The following TMEM178B variants were observed in gnomAD, a reference collection of about 807,000 sequenced individuals.
TMEM178B encodes the protein transmembrane protein 178B.
Under a neutral mutation model 31.0 loss-of-function variants are expected in TMEM178B, and 5 were observed. That is an observed-to-expected ratio of 0.16 (90% confidence interval 0.08 to 0.34). The LOEUF is 0.34. Among genes scored for constraint, TMEM178B ranks in the 10% least tolerant of loss-of-function variants. The pLI, the probability that TMEM178B is intolerant of heterozygous loss-of-function variation, is 1.00. For synonymous variants in TMEM178B, 164 were observed against 164.0 expected, an observed-to-expected ratio of 1.00 and a Z score of 0.00; for missense variants, 275 against 400.3, an observed-to-expected ratio of 0.69 and a Z score of 2.67.
intron 1 of TMEM178B, among the ~76,000 whole-genome samples, chr7:141,134,254 A>G (rs1795639052): frequency 6.6e-6 from 1 of 152,142 alleles, no homozygotes; most frequent in Non-Finnish European, 1.5e-5. Context: ...AAAACAAAAT[A>G]AAACAACAAC....
intron 2 of TMEM178B, among the ~76,000 whole-genome samples, chr7:141,230,441 T>C (rs1797422956): frequency 6.6e-6 from 1 of 152,350 alleles, no homozygotes; most frequent in Middle Eastern, 3.4e-3. Flanking sequence ...AAGAAATGGT[T>C]ATCAGCCACT....
At chr7:141,187,621 C>A (rs1032041150) in intron 1 of TMEM178B, among the ~76,000 whole-genome samples, 39 of 152,282 alleles carry the variant, frequency 2.6e-4, no homozygotes, top group Middle Eastern at 3.4e-3. Context: ...CTAACTTTTT[C>A]ATGATCGCCA....
At chr7:141,126,101 A>G (rs980205781) in intron 1 of TMEM178B, among the ~76,000 whole-genome samples, 17 of 152,180 alleles carry the variant, frequency 1.1e-4, no homozygotes, top group African/African-American at 4.1e-4. Context: ...TGAGTGATCA[A>G]ATAGTTGGTT....
At chr7:141,348,936 TGGGTAAC>T (rs1799664159) in intron 2 of TMEM178B, among the ~76,000 whole-genome samples, 3 of 152,156 alleles carry the variant, frequency 2.0e-5, no homozygotes, top group Non-Finnish European at 4.4e-5. Flanking sequence ...GGTTCATGAC[TGGGTAAC>T]GGCGGCAGGG....
chr7:141,346,913 G>T (rs1438468990), intron 2 of TMEM178B, among the ~76,000 whole-genome samples: 2 of 152,184 alleles, frequency 1.3e-5, no homozygotes, highest in Non-Finnish European at 2.9e-5. Context: ...CTGATGGGAG[G>T]TAATTGGATT....
chr7:141,339,254 G>A (rs952537920), intron 2 of TMEM178B, among the ~76,000 whole-genome samples: 1 of 152,174 alleles, frequency 6.6e-6, no homozygotes, highest in African/African-American at 2.4e-5. Flanking sequence ...GGGAGTGATC[G>A]TTTCCACACT....
chr7:141,305,073 A>G (rs1246171207), intron 2 of TMEM178B, among the ~76,000 whole-genome samples: 5 of 152,202 alleles, frequency 3.3e-5, no homozygotes, highest in Non-Finnish European at 5.9e-5. Flanking sequence ...AATGTTCCCC[A>G]GGTAAAACCC....
intron 2 of TMEM178B, among the ~76,000 whole-genome samples, chr7:141,306,650 C>A (rs1554473861): frequency 6.7e-6 from 1 of 148,544 alleles, no homozygotes; most frequent in Non-Finnish European, 1.5e-5. Context: ...TCTCTCTGGT[C>A]TCCTTAATTA....
chr7:141,305,728 C>T (rs907686945), intron 2 of TMEM178B, among the ~76,000 whole-genome samples: 6 of 152,186 alleles, frequency 3.9e-5, no homozygotes, highest in Non-Finnish European at 8.8e-5. Flanking sequence ...AGCCACTGTG[C>T]CTGGCTGGCC....
chr7:141,148,964 G>C (rs554967423), intron 1 of TMEM178B, among the ~76,000 whole-genome samples: 3 of 152,334 alleles, frequency 2.0e-5, no homozygotes, highest in African/African-American at 4.8e-5. Flanking sequence ...GCTTGTCAGA[G>C]ATGGAGAGGA....
At chr7:141,439,193 C>A (rs1801610850) in intron 3 of TMEM178B, among the ~76,000 whole-genome samples, 1 of 152,184 alleles carries the variant, frequency 6.6e-6, no homozygotes, top group Middle Eastern at 3.4e-3. Context: ...TACCCTTATT[C>A]CCTTGAAACA....
intron 2 of TMEM178B, among the ~76,000 whole-genome samples, chr7:141,238,524 A>G (rs561157960): frequency 4.6e-5 from 7 of 152,342 alleles, no homozygotes; most frequent in South Asian, 2.1e-4. Flanking sequence ...GTTGAACTAC[A>G]GTATCAGGGC....
At chr7:141,467,066 C>G (rs1802158099) in intron 3 of TMEM178B, among the ~76,000 whole-genome samples, 1 of 152,058 alleles carries the variant, frequency 6.6e-6, no homozygotes, top group African/African-American at 2.4e-5. Flanking sequence ...AATCACTTCT[C>G]CAGGTCATAC....
intron 2 of TMEM178B, among the ~76,000 whole-genome samples, chr7:141,309,069 A>G (rs924360824): frequency 6.6e-6 from 1 of 152,212 alleles, no homozygotes; most frequent in African/African-American, 2.4e-5. Flanking sequence ...GAAGAGTAAA[A>G]CACTTCAACA....
intron 2 of TMEM178B, among the ~76,000 whole-genome samples, chr7:141,246,044 A>G (rs1797725374): frequency 6.6e-6 from 1 of 151,930 alleles, no homozygotes. Context: ...AATTTTTAAG[A>G]TTTCTACAAA....
intron 1 of TMEM178B, among the ~76,000 whole-genome samples, chr7:141,150,029 A>C (rs1280649579): frequency 6.6e-6 from 1 of 152,136 alleles, no homozygotes; most frequent in Non-Finnish European, 1.5e-5. Context: ...AACTGAGGAC[A>C]AACTACATTT....
intron 3 of TMEM178B, among the ~76,000 whole-genome samples, chr7:141,446,658 A>G (rs879139621): frequency 6.6e-6 from 1 of 152,172 alleles, no homozygotes; most frequent in Non-Finnish European, 1.5e-5. Flanking sequence ...TCCAGGACCA[A>G]AAGAGTCTTG....
chr7:141,081,022 C>G (rs1215239841), intron 1 of TMEM178B, among the ~76,000 whole-genome samples: 1 of 152,116 alleles, frequency 6.6e-6, no homozygotes, highest in Non-Finnish European at 1.5e-5. Context: ...CTATGCTATA[C>G]TTCTAATCAT....
At chr7:141,161,118 G>A (rs1203728814) in intron 1 of TMEM178B, among the ~76,000 whole-genome samples, 1 of 152,162 alleles carries the variant, frequency 6.6e-6, no homozygotes, top group African/African-American at 2.4e-5. Flanking sequence ...GCCTCCCAAA[G>A]TGCTGGGATT....
Sources: gnomAD v4.1 joint callset for allele counts (sites outside exome capture counted in the v4.1 genomes callset) on GRCh38, gnomAD v4.1.1 for gene constraint, MANE v1.5 for transcripts, NCBI Gene and HGNC (gene_info 2026-07-23, HGNC 2026-07-21) for gene names.